Variants in OR3A2 observed in about 807,000 individuals in gnomAD.
The protein encoded by OR3A2 is olfactory receptor family 3 subfamily A member 2, also known as olfactory receptor 3A2.
For missense variants in OR3A2, 318 were observed against 392.8 expected (o/e 0.81, Z 1.61); for synonymous variants, 126 against 159.3 (o/e 0.79, Z 1.57).
chr17:3,299,382 G>A (rs758017571), intron 3 of OR3A2, among the ~76,000 whole-genome samples: 9 of 152,096 alleles, frequency 5.9e-5, no homozygotes, highest in East Asian at 1.9e-4. Flanking sequence ...CTTGTTAATC[G>A]GGGGCACTGG....
rs937053016 is a variant in OR3A2, at chr17:3,358,063, C to T, written c.-178-21937G>A. 1.1e-4 allele frequency among the ~76,000 whole-genome samples: 16 copies of T among 151,540 alleles called. 1 individual carries two copies. Among genetic ancestry groups the T allele is most frequent in the African/African-American group, 3.4e-4 (14 of 40,916 alleles). Reference sequence around the variant, plus strand: ...TGATCCAGACGAGGTCTCGAAGAGGCTGAGCTGTACTACTGGCAGGCTCAT... The same window carrying T: ...TGATCCAGACGAGGTCTCGAAGAGGTTGAGCTGTACTACTGGCAGGCTCAT... On this transcript the variant is annotated intron_variant, in intron 2 of 4. Coordinates refer to the OR3A2 transcript ENST00000573491.
intron 3 of OR3A2, among the ~76,000 whole-genome samples, chr17:3,321,236 T>C (rs2049119384): frequency 6.6e-6 from 1 of 151,930 alleles, no homozygotes; most frequent in African/African-American, 2.4e-5. Flanking sequence ...TTTTGTATCC[T>C]GAGACTTTGC....
intron 2 of OR3A2, among the ~76,000 whole-genome samples, chr17:3,371,479 C>T (rs1277470397): frequency 7.1e-6 from 1 of 141,334 alleles, no homozygotes; most frequent in African/African-American, 2.7e-5. Flanking sequence ...GGCTGATCCC[C>T]CCACCTCCCT....
chr17:3,356,300 T>G (rs76933629), intron 2 of OR3A2, among the ~76,000 whole-genome samples: 13,211 of 151,494 alleles, frequency 0.087, 1,168 homozygotes, highest in East Asian at 0.48. Context: ...ATTCTGTTTT[T>G]CCATGCACTT....
At chr17:3,372,706 CGCAGGCACTCG>C (rs1254646714) in intron 2 of OR3A2, among the ~76,000 whole-genome samples, 1 of 151,746 alleles carries the variant, frequency 6.6e-6, no homozygotes, top group Non-Finnish European at 1.5e-5. Flanking sequence ...CGCCTGCAAT[CGCAGGCACTCG>C]GCAGGCTGAG....
chr17:3,308,036 C>T (rs557434836), intron 3 of OR3A2, among the ~76,000 whole-genome samples: 3 of 152,228 alleles, frequency 2.0e-5, no homozygotes, highest in Middle Eastern at 3.4e-3. Flanking sequence ...ACAAGAGTGC[C>T]GTTTCACCAG....
chr17:3,307,190 C>G (rs2049006414), intron 3 of OR3A2, among the ~76,000 whole-genome samples: 1 of 152,332 alleles, frequency 6.6e-6, no homozygotes, highest in East Asian at 1.9e-4. Flanking sequence ...GACTCATAGG[C>G]AGTTTCTGGA....
chr17:3,338,299 G>C (rs1251536701), intron 2 of OR3A2, among the ~76,000 whole-genome samples: 1 of 151,976 alleles, frequency 6.6e-6, no homozygotes, highest in Admixed American at 6.6e-5. Flanking sequence ...GTCTATTTTG[G>C]CTTTTGTTGC....
chr17:3,285,831 T>C (rs557404864), upstream of OR3A2, among the ~76,000 whole-genome samples: 140 of 152,272 alleles, frequency 9.2e-4, no homozygotes, highest in African/African-American at 3.0e-3. Flanking sequence ...ACAGGAACCA[T>C]TTATGAGTGT....
At chr17:3,309,894 CTGCTTCCCCGA>C (rs1401471739) in intron 3 of OR3A2, 1 of 117,352 alleles carries the variant, frequency 8.5e-6, no homozygotes, top group African/African-American at 5.1e-5. Flanking sequence ...GCATGCTTTC[CTGCTTCCCCGA>C]AGCTTCCCTT....
At chr17:3,369,331 G>A (rs1223298615) in intron 2 of OR3A2, among the ~76,000 whole-genome samples, 5 of 152,114 alleles carry the variant, frequency 3.3e-5, no homozygotes, top group Non-Finnish European at 1.5e-5. Flanking sequence ...CAGGGGGAAG[G>A]CTTTCAACTT....
rs143405619 is a variant in OR3A2 at position 3,358,080 on chromosome 17, C to T, written c.-178-21954G>A. Among the ~76,000 whole-genome samples, 231 of 151,662 alleles carry T rather than the reference C, an allele frequency of 1.5e-3. 13 individuals carry two copies. The highest frequency in any genetic ancestry group is 5.4e-3 in the African/African-American group (222 of 41,010). ...CGAAGAGGCTGAGCTGTACTACTGGCAGGCTCATTGGCCTAGGAGGACATC... is the reference window on the plus strand; with the variant it reads ...CGAAGAGGCTGAGCTGTACTACTGGTAGGCTCATTGGCCTAGGAGGACATC... On this transcript the variant is annotated intron_variant, in intron 2 of 4. Transcript: ENST00000573491.
intron 3 of OR3A2, among the ~76,000 whole-genome samples, chr17:3,308,712 A>G (rs1597331008): frequency 6.6e-6 from 1 of 152,148 alleles, no homozygotes; most frequent in Admixed American, 6.5e-5. Context: ...AGGCCATACT[A>G]TTAGATGGTA....
Position 3,344,453 on chromosome 17 carries a change from C to T in OR3A2, c.-178-8327G>A, listed in dbSNP as rs376312404. Among the ~76,000 whole-genome samples, 52 of 152,244 alleles carry T rather than the reference C, an allele frequency of 3.4e-4. 1 individual carries two copies. In the South Asian group the frequency reaches 0.011, roughly 32 times the overall value. On this transcript the variant is annotated intron_variant, in intron 2 of 4. Coordinates refer to the OR3A2 transcript ENST00000573491. ...TTGGAGACTCTGACCCAGAGATTCC[C>T]CACCATACAGCTAGACAATATCATC...
chr17:3,324,681 T>C (rs911471826), intron 3 of OR3A2, among the ~76,000 whole-genome samples: 2 of 152,064 alleles, frequency 1.3e-5, no homozygotes, highest in Non-Finnish European at 2.9e-5. Flanking sequence ...GCAGATTTGG[T>C]GAACCGCAAA....
chr17:3,285,546 T>C (rs1729853648), upstream of OR3A2, among the ~76,000 whole-genome samples: 1 of 152,182 alleles, frequency 6.6e-6, no homozygotes, highest in South Asian at 2.1e-4. Flanking sequence ...CTTAGCACTC[T>C]GGGAGGCTGA....
At chr17:3,305,057 T>C (rs2048989983) in intron 3 of OR3A2, among the ~76,000 whole-genome samples, 1 of 152,216 alleles carries the variant, frequency 6.6e-6, no homozygotes, top group African/African-American at 2.4e-5. Context: ...CAATGTTCTG[T>C]ATTTTGGTAA....
At chr17:3,349,531 G>T (rs2049400865) in intron 2 of OR3A2, among the ~76,000 whole-genome samples, 1 of 152,130 alleles carries the variant, frequency 6.6e-6, no homozygotes, top group Admixed American at 6.6e-5. Context: ...AATTCATACA[G>T]CAAGTCCTGA....
chr17:3,290,829 T>G (rs2048858865), intron 3 of OR3A2, among the ~76,000 whole-genome samples: 1 of 152,218 alleles, frequency 6.6e-6, no homozygotes, highest in Non-Finnish European at 1.5e-5. Context: ...AGTGAGAGTT[T>G]TGGAGAAATT....
Sources: allele counts gnomAD v4.1 joint callset (sites outside exome capture counted in the v4.1 genomes callset), GRCh38; gene constraint gnomAD v4.1.1; transcripts MANE v1.5; gene names NCBI Gene and HGNC (gene_info 2026-07-23, HGNC 2026-07-21).